ARID4B: variants seen among roughly 807,000 people sequenced by gnomAD.
ARID4B encodes the protein AT-rich interaction domain 4B, also known as AT-rich interactive domain-containing protein 4B.
ARID4B carries 26 observed loss-of-function variants against 147.5 expected under a neutral mutation model. The observed-to-expected ratio is 0.18, with a 90% CI of 0.13 to 0.24. The LOEUF is 0.24. Among genes scored for constraint, ARID4B ranks in the 10% least tolerant of loss-of-function variants. The pLI is 1.00. For synonymous variants in ARID4B, 512 were observed against 507.9 expected, an observed-to-expected ratio of 1.01 and a Z score of -0.11; for missense variants, 1,179 against 1,511.5, an observed-to-expected ratio of 0.78 and a Z score of 3.65.
In ARID4B at chr1:235,214,267, T is replaced by C. The variant is rs532960480; in HGVS notation, c.1584-241A>G. ...CAAAAATAAGTGCAGTAAAAGAAAA[T>C]TTCCAAAAGTCAGAAGAACAGAATT... On this transcript the variant is annotated intron_variant, in intron 16 of 23. Transcript: ENST00000264183. Among the ~76,000 whole-genome samples, 8 of 152,084 alleles carry C rather than the reference T, an allele frequency of 5.3e-5. 1 individual carries two copies. In the South Asian group the frequency reaches 1.7e-3, roughly 32 times the overall value.
chr1:235,215,354 G>A (rs1463420003), intron 16 of ARID4B, among the ~76,000 whole-genome samples: 1 of 151,884 alleles, frequency 6.6e-6, no homozygotes, highest in Non-Finnish European at 1.5e-5. Context: ...CTGTATGTCT[G>A]TACTTAAAGA....
At chr1:235,209,161 C>T (rs1666525401) in intron 17 of ARID4B, among the ~76,000 whole-genome samples, 2 of 152,126 alleles carry the variant, frequency 1.3e-5, no homozygotes, top group African/African-American at 4.8e-5. Flanking sequence ...GAAATAGGGA[C>T]ATACATGAAA....
intron 11 of ARID4B, among the ~76,000 whole-genome samples, chr1:235,225,387 G>T (rs10495360): frequency 6.6e-6 from 1 of 152,150 alleles, no homozygotes; most frequent in Admixed American, 6.5e-5. Flanking sequence ...TCAATTACAA[G>T]GGAAGGACTA....
intron 2 of ARID4B, among the ~76,000 whole-genome samples, chr1:235,307,574 A>G (rs1394784793): frequency 8.5e-5 from 13 of 152,204 alleles, no homozygotes; most frequent in Non-Finnish European, 1.8e-4. Flanking sequence ...GAGAGAGAGA[A>G]AAAGAGAGAC....
In ARID4B at chr1:235,255,654, T is replaced by G; in HGVS notation, c.274+6A>C. The G allele has an allele frequency of 6.4e-7, 1 of 1,554,276 alleles. No individual in the cohort carries two copies. The highest frequency in any genetic ancestry group is 8.7e-7 in the Non-Finnish European group (1 of 1,150,766). On this transcript the variant is annotated splice_donor_region_variant and intron_variant, in intron 5 of 23. Transcript: ENST00000264183. ...CACATTTTTAAAAGAAAATTTATTT[T>G]CTTACCTACAGTGTACCAACTCGCA...
intron 17 of ARID4B, among the ~76,000 whole-genome samples, chr1:235,210,311 G>C (rs745871065): frequency 6.6e-6 from 1 of 151,892 alleles, no homozygotes; most frequent in Non-Finnish European, 1.5e-5. Flanking sequence ...CAAACTGCTT[G>C]TCATGAATGA....
intron 8 of ARID4B, among the ~76,000 whole-genome samples, 174 bp downstream of exon 8, chr1:235,240,139 A>G (rs1039455024): frequency 3.3e-5 from 5 of 152,194 alleles, no homozygotes; most frequent in Non-Finnish European, 5.9e-5. Flanking sequence ...TTCCTGAATG[A>G]CATCAAGAGT....
intron 17 of ARID4B, among the ~76,000 whole-genome samples, chr1:235,212,469 T>C (rs1666777191): frequency 1.3e-5 from 2 of 152,140 alleles, no homozygotes; most frequent in Admixed American, 1.3e-4. Context: ...CCTCATGACT[T>C]AAGTTGCTAT....
chr1:235,208,161 TAAA>T (rs1157902660), intron 17 of ARID4B, among the ~76,000 whole-genome samples: 2 of 152,244 alleles, frequency 1.3e-5, no homozygotes, highest in East Asian at 3.8e-4. Flanking sequence ...TGATGTATTT[TAAA>T]TTCCATGCCA....
At chr1:235,236,854 ATATATATATTTTTTTTTTT>A (rs1459854765) in intron 8 of ARID4B, among the ~76,000 whole-genome samples, 12 of 38,016 alleles carry the variant, frequency 3.2e-4, no homozygotes, top group African/African-American at 1.0e-3. Context: ...ATATATATAT[ATATATATATTTTTTTTTTT>A]TTTTTTTTTT....
intron 19 of ARID4B, among the ~76,000 whole-genome samples, chr1:235,190,478 G>C (rs1346027829): frequency 6.6e-6 from 1 of 150,854 alleles, no homozygotes; most frequent in Non-Finnish European, 1.5e-5. Context: ...AAAGATTCCA[G>C]AGACAGAAAA....
At chr1:235,211,356 A>C (rs1474274716) in intron 17 of ARID4B, among the ~76,000 whole-genome samples, 3 of 152,136 alleles carry the variant, frequency 2.0e-5, no homozygotes, top group Non-Finnish European at 4.4e-5. Context: ...GAGGGAAGGA[A>C]GAAGGGAAGG....
intron 2 of ARID4B, among the ~76,000 whole-genome samples, chr1:235,273,099 G>A (rs1296357020): frequency 5.3e-5 from 8 of 152,116 alleles, no homozygotes; most frequent in Admixed American, 4.6e-4. Context: ...GTGCAGTGGC[G>A]CAATCTTGGC....
At chr1:235,274,738 T>C (rs1311242497) in intron 2 of ARID4B, among the ~76,000 whole-genome samples, 2 of 152,200 alleles carry the variant, frequency 1.3e-5, no homozygotes, top group African/African-American at 4.8e-5. Flanking sequence ...CCATAATTTG[T>C]GTAAAGAATA....
chr1:235,295,487 G>C (rs776394387), intron 2 of ARID4B, among the ~76,000 whole-genome samples: 1 of 139,724 alleles, frequency 7.2e-6, no homozygotes, highest in Non-Finnish European at 1.5e-5. Flanking sequence ...TCTAGCCTGC[G>C]GGGGGACAAA....
At chr1:235,292,986 A>G (rs1045321800) in intron 2 of ARID4B, among the ~76,000 whole-genome samples, 11 of 152,218 alleles carry the variant, frequency 7.2e-5, no homozygotes, top group Admixed American at 6.5e-5. Flanking sequence ...CTAAGACTCC[A>G]CAATACATTC....
rs374588299 is a variant in ARID4B at position 235,172,641 on chromosome 1, C to T, written c.3788G>A (p.Arg1263His). ...ACTTTCTCTCTCTTTCTTCTTTAAA[C>T]GCTTTCTCCTCCGATCAATGGAAGC... ...EVASIDRRRK[R>H]LKKKERESAA... Residue 1263 changes from arginine to histidine, a missense_variant, in exon 23 of 24, where the codon CGT (arginine) becomes CAT (histidine). Transcript: ENST00000264183. The T allele has an allele frequency of 1.1e-5, 18 of 1,574,540 alleles. No individual in the cohort carries two copies. The highest frequency in any genetic ancestry group is 2.4e-5 in the South Asian group (2 of 83,140).
At chr1:235,201,398 G>C (rs965890614) in intron 17 of ARID4B, among the ~76,000 whole-genome samples, 4 of 151,796 alleles carry the variant, frequency 2.6e-5, no homozygotes, top group Non-Finnish European at 5.9e-5. Flanking sequence ...CGCCATCCTG[G>C]CTCACTGCAG....
At chr1:235,178,879 T>C (rs1215531275) in intron 20 of ARID4B, among the ~76,000 whole-genome samples, 1 of 152,190 alleles carries the variant, frequency 6.6e-6, no homozygotes, top group Non-Finnish European at 1.5e-5. Flanking sequence ...CATATAATCT[T>C]ACTTACAACT....
Sources: allele counts gnomAD v4.1 joint callset (sites outside exome capture counted in the v4.1 genomes callset), GRCh38; gene constraint gnomAD v4.1.1; transcripts MANE v1.5; gene names NCBI Gene and HGNC (gene_info 2026-07-23, HGNC 2026-07-21).